ABCA12: variants seen among roughly 807,000 people sequenced by gnomAD.
ABCA12 encodes glucosylceramide transporter ABCA12.
A neutral mutation model predicts 293.5 loss-of-function variants in ABCA12; 156 were observed. The observed-to-expected ratio is 0.53, with a 90% CI of 0.47 to 0.61. The LOEUF is 0.61. Ranked by LOEUF, ABCA12 falls within the 20% of genes least tolerant of loss-of-function variation. The probability of loss-of-function intolerance (pLI) is 0.00; values close to 1 mark genes in which losing one functional copy is unlikely to be tolerated. For synonymous variants in ABCA12, 1,063 were observed against 1,108.0 expected (o/e 0.96, Z 0.81); for missense variants, 2,797 against 3,090.2 (o/e 0.91, Z 2.25).
rs1014221347 is a variant in ABCA12, at chr2:214,931,630, C to T, written c.*1004G>A. The stretch of plus-strand genomic sequence containing the variant: ...ACTTGTATAGATACACACACATACA[C>T]GCACACACGGTACATAAAGCACCTT... On this transcript the variant is annotated 3_prime_UTR_variant, in exon 53 of 53. Coordinates refer to ENST00000272895, the MANE Select transcript of ABCA12 (RefSeq NM_173076.3). 2 of 152,628 alleles carry T rather than the reference C, an allele frequency of 1.3e-5. No homozygotes were observed. Among genetic ancestry groups the T allele is most frequent in the Admixed American group, 6.5e-5 (1 of 15,270 alleles). 9.5% of individuals were successfully genotyped at this position (152,628 alleles called of 1,614,324 possible).
chr2:215,032,199 A>C (rs1700893716), intron 8 of ABCA12: 1 of 888,738 alleles, frequency 1.1e-6, no homozygotes, highest in East Asian at 4.6e-5. Flanking sequence ...GCATATGCAG[A>C]TGACTGCTAA....
intron 47 of ABCA12, among the ~76,000 whole-genome samples, chr2:214,948,169 G>A (rs939666332): frequency 1.3e-5 from 2 of 152,166 alleles, no homozygotes; most frequent in Admixed American, 6.5e-5. Context: ...TAGTTGCAGT[G>A]AGATCTAAAG....
chr2:215,060,981 C>T (rs1467239547), intron 3 of ABCA12, among the ~76,000 whole-genome samples: 1 of 151,992 alleles, frequency 6.6e-6, no homozygotes, highest in African/African-American at 2.4e-5. Context: ...AAAGCTGAAT[C>T]CCTTCTCCAA....
chr2:215,051,389 C>T (rs1701316668), intron 5 of ABCA12, among the ~76,000 whole-genome samples: 1 of 152,020 alleles, frequency 6.6e-6, no homozygotes, highest in South Asian at 2.1e-4. Context: ...ATGCCATTTC[C>T]TGGAGTCCGC....
intron 48 of ABCA12, among the ~76,000 whole-genome samples, chr2:214,946,952 T>C (rs989563218): frequency 2.6e-5 from 4 of 152,072 alleles, no homozygotes; most frequent in Non-Finnish European, 5.9e-5. Flanking sequence ...ACTCATATTT[T>C]AAAGTAACAA....
intron 2 of ABCA12, among the ~76,000 whole-genome samples, chr2:215,090,673 A>C (rs539007605): frequency 2.6e-5 from 4 of 152,032 alleles, no homozygotes; most frequent in Non-Finnish European, 5.9e-5. Flanking sequence ...CCCACTTTTC[A>C]GAGGTGTCTG....
chr2:214,941,317 CTGTT>C (rs1250415818), intron 50 of ABCA12, among the ~76,000 whole-genome samples: 1 of 152,082 alleles, frequency 6.6e-6, no homozygotes, highest in Non-Finnish European at 1.5e-5. Flanking sequence ...GTCTGAGAGG[CTGTT>C]TGTTATGATT....
intron 51 of ABCA12, among the ~76,000 whole-genome samples, chr2:214,936,287 AC>A (rs750989972): frequency 1.3e-5 from 2 of 152,174 alleles, no homozygotes; most frequent in Non-Finnish European, 2.9e-5. Context: ...CATAGTGTAT[AC>A]CAGATTTGGT....
intron 3 of ABCA12, among the ~76,000 whole-genome samples, chr2:215,058,017 A>T (rs1194089793): frequency 1.3e-5 from 2 of 152,104 alleles, no homozygotes; most frequent in Non-Finnish European, 2.9e-5. Flanking sequence ...CTAAGTAAGG[A>T]CATGTGCAAA....
intron 1 of ABCA12, among the ~76,000 whole-genome samples, chr2:215,122,999 G>A (rs1322248762): frequency 1.3e-5 from 2 of 151,926 alleles, no homozygotes; most frequent in African/African-American, 4.8e-5. Context: ...TATACCATTT[G>A]TTTAGTTTCC....
chr2:215,085,355 A>G (rs1702019899), intron 2 of ABCA12: 1 of 152,180 alleles, frequency 6.6e-6, no homozygotes, highest in Non-Finnish European at 1.5e-5. Context: ...GTGTTAGCCC[A>G]GGCCTGGACT....
intron 1 of ABCA12, among the ~76,000 whole-genome samples, chr2:215,121,183 T>G (rs746400863): frequency 1.3e-5 from 2 of 152,224 alleles, no homozygotes; most frequent in Non-Finnish European, 2.9e-5. Context: ...GCAGTAGAGC[T>G]GGTGTTTGAA....
chr2:214,968,170 G>A (rs965969385), intron 38 of ABCA12, among the ~76,000 whole-genome samples: 12 of 152,000 alleles, frequency 7.9e-5, no homozygotes, highest in African/African-American at 2.7e-4. Flanking sequence ...AACTATACAC[G>A]GGTTGAGAAA....
rs1408437547 is a variant in ABCA12, at chr2:214,949,071, T to C, written c.6931A>G (p.Ser2311Gly). 5.0e-6 allele frequency: 8 copies of C among 1,613,946 alleles called. No homozygotes were observed. Among genetic ancestry groups the C allele is most frequent in the South Asian group, 4.4e-5 (4 of 91,072 alleles). The change falls in exon 46 of 53, where the codon AGT becomes GGT. Residue 2311 changes from serine to glycine, a missense_variant. Transcript: ENST00000272895. ...KMLTGDIIPS[S>G]GNILIRNKTG... ...TTATTTCTGATCAGAATGTTTCCAC[T>C]TGAAGGAATGATGTCTCCTGTCAGC...
chr2:215,127,300 G>A (rs953354290), intron 1 of ABCA12, among the ~76,000 whole-genome samples: 1 of 152,154 alleles, frequency 6.6e-6, no homozygotes, highest in Non-Finnish European at 1.5e-5. Context: ...GTACAGATCT[G>A]TTAAGTTCAT....
chr2:214,982,523 A>G, intron 29 of ABCA12, 140 bp from the exon 30 acceptor site: 2 of 659,266 alleles, frequency 3.0e-6, no homozygotes, highest in Non-Finnish European at 5.1e-6. Flanking sequence ...TTGAGGATTC[A>G]TAATATAGTT....
intron 48 of ABCA12, among the ~76,000 whole-genome samples, chr2:214,947,152 C>G (rs1698607849): frequency 6.6e-6 from 1 of 152,166 alleles, no homozygotes; most frequent in South Asian, 2.1e-4. Flanking sequence ...GTTTCACTTC[C>G]CATTTCCATG....
intron 30 of ABCA12, among the ~76,000 whole-genome samples, chr2:214,981,963 A>T (rs866240442): frequency 0.014 from 1,592 of 111,788 alleles, 11 homozygotes; most frequent in Middle Eastern, 0.036. Flanking sequence ...TATTATTATT[A>T]TTATTATTAT....
intron 9 of ABCA12, among the ~76,000 whole-genome samples, chr2:215,028,123 A>T (rs1700789785): frequency 6.6e-6 from 1 of 152,204 alleles, no homozygotes; most frequent in African/African-American, 2.4e-5. Context: ...ATCTGTTTTG[A>T]ATCAAACTGT....
Sources: gnomAD v4.1 joint callset for allele counts (sites outside exome capture counted in the v4.1 genomes callset) on GRCh38, gnomAD v4.1.1 for gene constraint, MANE v1.5 for transcripts, NCBI Gene and HGNC (gene_info 2026-07-23, HGNC 2026-07-21) for gene names.